RANBP2: variants seen among roughly 807,000 people sequenced by gnomAD.
The protein encoded by RANBP2 is E3 SUMO-protein ligase RanBP2.
In RANBP2, 57 loss-of-function variants were observed where a neutral mutation model predicts 303.6. The ratio of observed to expected loss-of-function variants is 0.19; its 90% CI spans 0.15 to 0.23. The LOEUF is 0.23. RANBP2 is among the 10% of genes least tolerant of loss of function. RANBP2 has a pLI of 1.00. For synonymous variants in RANBP2, 1,167 were observed against 1,301.5 expected (o/e 0.90, Z 2.23); for missense variants, 3,138 against 3,780.8 (o/e 0.83, Z 4.46).
the RANBP2 span, among the ~76,000 whole-genome samples, chr2:108,807,382 A>G: frequency 6.6e-6 from 1 of 152,192 alleles, no homozygotes; most frequent in Non-Finnish European, 1.5e-5. Flanking sequence ...TTTTAAAATT[A>G]TTTTTAATTG....
chr2:109,552,945 C>G, the RANBP2 span: 2 of 949,870 alleles, frequency 2.1e-6, no homozygotes, highest in East Asian at 5.0e-5. Flanking sequence ...AGTCAATATT[C>G]AAATACTATG....
At chr2:108,871,546 T>C in the RANBP2 span, among the ~76,000 whole-genome samples, 1 of 152,100 alleles carries the variant, frequency 6.6e-6, no homozygotes, top group Admixed American at 6.6e-5. Context: ...AGCAAGACTT[T>C]AGCTCCAAAA....
the RANBP2 span, chr2:109,615,354 T>G: frequency 6.2e-7 from 1 of 1,612,676 alleles, no homozygotes; most frequent in East Asian, 2.2e-5. Flanking sequence ...CTTGCTCACC[T>G]GCGAGCCCGG....
At chr2:109,211,998 T>C in the RANBP2 span, among the ~76,000 whole-genome samples, 1 of 152,228 alleles carries the variant, frequency 6.6e-6, no homozygotes, top group Non-Finnish European at 1.5e-5. Context: ...TGCCACTGAA[T>C]TCAATAAATG....
At chr2:109,603,537 C>T in the RANBP2 span, among the ~76,000 whole-genome samples, 5 of 150,070 alleles carry the variant, frequency 3.3e-5, no homozygotes, top group African/African-American at 1.2e-4. Flanking sequence ...CCGCGCCCGG[C>T]CTCATAATAT....
At chr2:108,814,312 G>T in the RANBP2 span, among the ~76,000 whole-genome samples, 1 of 152,056 alleles carries the variant, frequency 6.6e-6, no homozygotes, top group Non-Finnish European at 1.5e-5. Flanking sequence ...CCCTTCCAGT[G>T]GGTGTGTAGT....
the RANBP2 span, chr2:109,127,969 TA>T: frequency 1.3e-5 from 2 of 152,250 alleles, no homozygotes; most frequent in Non-Finnish European, 2.9e-5. Context: ...TTTTCCTTAA[TA>T]ATAACAGAAA....
At chr2:109,682,884 C>T in the RANBP2 span, among the ~76,000 whole-genome samples, 11 of 152,216 alleles carry the variant, frequency 7.2e-5, no homozygotes, top group Admixed American at 4.6e-4. Flanking sequence ...CTCCCTGGCC[C>T]TGACTTTGTC....
chr2:109,156,180 T>G, the RANBP2 span, among the ~76,000 whole-genome samples: 19 of 152,362 alleles, frequency 1.2e-4, no homozygotes, highest in Non-Finnish European at 2.1e-4. Flanking sequence ...GAGCTCAGCT[T>G]CTTAACTCAG....
At chr2:109,044,941 T>C in the RANBP2 span, among the ~76,000 whole-genome samples, 1 of 152,232 alleles carries the variant, frequency 6.6e-6, no homozygotes, top group African/African-American at 2.4e-5. Flanking sequence ...TTCGTAAGGA[T>C]TATTACAGGA....
the RANBP2 span, among the ~76,000 whole-genome samples, chr2:108,971,037 T>C: frequency 2.6e-5 from 4 of 152,124 alleles, no homozygotes; most frequent in Non-Finnish European, 5.9e-5. Flanking sequence ...CAGGGGATGA[T>C]GCTGGTGGTG....
the RANBP2 span, among the ~76,000 whole-genome samples, chr2:109,079,922 C>T: frequency 6.6e-6 from 1 of 152,214 alleles, no homozygotes; most frequent in Non-Finnish European, 1.5e-5. Flanking sequence ...GCTACACGGC[C>T]ATGGGTGTGA....
chr2:109,003,053 A>G, the RANBP2 span, among the ~76,000 whole-genome samples: 3 of 151,828 alleles, frequency 2.0e-5, no homozygotes, highest in African/African-American at 7.3e-5. Context: ...GAAAAATACA[A>G]AAATTAGCTG....
chr2:109,157,376 C>G, the RANBP2 span, among the ~76,000 whole-genome samples: 4 of 152,194 alleles, frequency 2.6e-5, no homozygotes, highest in South Asian at 2.1e-4. Flanking sequence ...TAGACTCCCA[C>G]GTGCCATCCA....
At chr2:109,461,877 A>G in the RANBP2 span, among the ~76,000 whole-genome samples, 1 of 152,150 alleles carries the variant, frequency 6.6e-6, no homozygotes, top group Non-Finnish European at 1.5e-5. Flanking sequence ...AAATAGGCCA[A>G]ATTAATACAC....
the RANBP2 span, among the ~76,000 whole-genome samples, chr2:109,563,223 C>T: frequency 2.0e-5 from 3 of 152,254 alleles, no homozygotes; most frequent in African/African-American, 2.4e-5. Flanking sequence ...TAAGTATATA[C>T]AATTCTTAAT....
the RANBP2 span, among the ~76,000 whole-genome samples, chr2:109,446,738 T>C: frequency 2.2e-3 from 334 of 148,984 alleles, 1 homozygote; most frequent in Non-Finnish European, 3.6e-3. Flanking sequence ...TATTAGGAGG[T>C]GAGGTTGGAG....
the RANBP2 span, among the ~76,000 whole-genome samples, chr2:109,351,505 C>T: frequency 2.0e-5 from 3 of 152,242 alleles, no homozygotes; most frequent in Admixed American, 6.5e-5. Flanking sequence ...CTGCAAGATT[C>T]GGCAAGGGTT....
chr2:108,990,022 C>A, the RANBP2 span, among the ~76,000 whole-genome samples: 2 of 152,168 alleles, frequency 1.3e-5, no homozygotes, highest in East Asian at 1.9e-4. Flanking sequence ...ACAGTCTGGG[C>A]TCCGTGGCTC....
Sources: gnomAD v4.1 joint callset for allele counts (sites outside exome capture counted in the v4.1 genomes callset) on GRCh38, gnomAD v4.1.1 for gene constraint, MANE v1.5 for transcripts, NCBI Gene and HGNC (gene_info 2026-07-23, HGNC 2026-07-21) for gene names.